Variants in NRF1 observed in about 807,000 individuals in gnomAD.
NRF1 encodes nuclear respiratory factor 1.
A neutral mutation model predicts 58.5 loss-of-function variants in NRF1; 5 were observed. The observed-to-expected ratio is 0.09, with a 90% CI of 0.04 to 0.18. NRF1 has a LOEUF of 0.18. NRF1 is among the 10% of genes least tolerant of loss of function. The probability of loss-of-function intolerance (pLI) is 1.00; values close to 1 mark genes in which losing one functional copy is unlikely to be tolerated. For missense variants in NRF1, 288 were observed against 657.7 expected (o/e 0.44, Z 6.15); for synonymous variants, 224 against 246.7 (o/e 0.91, Z 0.86).
chr7:129,691,555 G>C (rs569683192), intron 5 of NRF1, among the ~76,000 whole-genome samples: 1 of 151,422 alleles, frequency 6.6e-6, no homozygotes, highest in Admixed American at 6.6e-5. Context: ...GGGTTTTGCT[G>C]TGTTAGCCAG....
At chr7:129,698,682 C>A (rs1424188967) in intron 5 of NRF1, among the ~76,000 whole-genome samples, 1 of 152,120 alleles carries the variant, frequency 6.6e-6, no homozygotes, top group Non-Finnish European at 1.5e-5. Flanking sequence ...CAGCAGTCAC[C>A]TGAGAAGTGG....
intron 10 of NRF1, among the ~76,000 whole-genome samples, chr7:129,742,018 G>C (rs1030035504): frequency 6.6e-6 from 1 of 152,192 alleles, no homozygotes; most frequent in South Asian, 2.1e-4. Flanking sequence ...TCAGTGAAGT[G>C]AATGTCTAAG....
intron 1 of NRF1, among the ~76,000 whole-genome samples, chr7:129,631,509 C>T (rs575518096): frequency 1.1e-3 from 164 of 152,270 alleles, no homozygotes; most frequent in African/African-American, 3.7e-3. Flanking sequence ...TCAATCAGTT[C>T]TCCCACCTTG....
chr7:129,717,126 T>G, intron 8 of NRF1, 93 bp from the exon 9 acceptor site: 1 of 1,295,498 alleles, frequency 7.7e-7, no homozygotes, highest in Non-Finnish European at 1.1e-6. Flanking sequence ...AGTATGTGTA[T>G]TTAGCCAAAA....
At chr7:129,693,884 A>G (rs1802626766) in intron 5 of NRF1, among the ~76,000 whole-genome samples, 1 of 152,126 alleles carries the variant, frequency 6.6e-6, no homozygotes, top group Non-Finnish European at 1.5e-5. Context: ...TCTTTGTCAC[A>G]TTTGGTGTGT....
rs541408793 is a variant in NRF1 at position 129,637,869 on chromosome 7, T to A, written c.-6-19477T>A. Among the ~76,000 whole-genome samples the A allele has an allele frequency of 4.4e-3, 668 of 150,980 alleles. 3 individuals carry two copies. Among genetic ancestry groups the A allele is most frequent in the African/African-American group, 0.014 (577 of 41,248 alleles). ...TATGAGATTTTTTTGTGATTTTATT[T>A]TTTGTTTTTTTTTTTCTAAGCTCAT... On this transcript the variant is annotated intron_variant, in intron 1 of 10. Transcript: ENST00000393232.
intron 1 of NRF1, among the ~76,000 whole-genome samples, chr7:129,639,489 A>G (rs1801241073): frequency 6.6e-6 from 1 of 151,962 alleles, no homozygotes; most frequent in African/African-American, 2.4e-5. Context: ...AAACATAGAA[A>G]TGGTGTGCCC....
chr7:129,748,455 A>G (rs1198812637), intron 10 of NRF1, among the ~76,000 whole-genome samples: 1 of 152,112 alleles, frequency 6.6e-6, no homozygotes, highest in Non-Finnish European at 1.5e-5. Flanking sequence ...AGGCAACCCC[A>G]TGAACCATGT....
At chr7:129,708,776 T>C (rs191180936) in intron 5 of NRF1, among the ~76,000 whole-genome samples, 2 of 152,306 alleles carry the variant, frequency 1.3e-5, no homozygotes, top group East Asian at 3.9e-4. Flanking sequence ...AAATAAGCTA[T>C]AGTACCAGTA....
At chr7:129,663,907 C>T (rs1271250318) in intron 2 of NRF1, among the ~76,000 whole-genome samples, 1 of 152,180 alleles carries the variant, frequency 6.6e-6, no homozygotes, top group Non-Finnish European at 1.5e-5. Flanking sequence ...GGCAGATCAC[C>T]CGAGGCCAGG....
chr7:129,740,581 C>T (rs7777812), intron 10 of NRF1, among the ~76,000 whole-genome samples: 27,324 of 152,184 alleles, frequency 0.18, 2,716 homozygotes, highest in East Asian at 0.47. Context: ...CAGGCATACC[C>T]CCCGTAGCTG....
rs759301909 is a variant in NRF1, at chr7:129,727,235, C to A, written c.1224-6C>A. ...ATCATCCTCTCTCCTGTTCCTGTGC[C>A]CGCAGCGAAGCTGCCGCCCATGCTG... On this transcript the variant is annotated splice_region_variant and splice_polypyrimidine_tract_variant and intron_variant, in intron 9 of 10. Coordinates refer to ENST00000393232, the MANE Select transcript of NRF1 (RefSeq NM_005011.5). The A allele has an allele frequency of 6.3e-7, 1 of 1,588,158 alleles. No homozygotes were observed. The highest frequency in any genetic ancestry group is 8.5e-7 in the Non-Finnish European group (1 of 1,172,908).
intron 2 of NRF1, among the ~76,000 whole-genome samples, chr7:129,659,518 T>C (rs1334065214): frequency 6.6e-6 from 1 of 152,214 alleles, no homozygotes; most frequent in Non-Finnish European, 1.5e-5. Flanking sequence ...AGTTCTATTT[T>C]TGCTTGTCTG....
chr7:129,677,416 CA>C (rs1420195467), intron 3 of NRF1, among the ~76,000 whole-genome samples: 1 of 152,144 alleles, frequency 6.6e-6, no homozygotes, highest in South Asian at 2.1e-4. Context: ...TGTCCCAAAG[CA>C]AAACCTTCAG....
At chr7:129,645,101 C>T (rs1258177794) in intron 1 of NRF1, among the ~76,000 whole-genome samples, 1 of 151,732 alleles carries the variant, frequency 6.6e-6, no homozygotes, top group African/African-American at 2.4e-5. Context: ...TTGCTGTCCT[C>T]ATCTTTGTAC....
intron 2 of NRF1, among the ~76,000 whole-genome samples, chr7:129,658,175 G>A (rs60362426): frequency 0.2 from 30,646 of 151,692 alleles, 3,352 homozygotes; most frequent in East Asian, 0.47. Context: ...CTTTCTTGGC[G>A]TTTTCTTTTG....
chr7:129,669,975 T>G (rs923338796), intron 2 of NRF1, among the ~76,000 whole-genome samples: 1 of 152,126 alleles, frequency 6.6e-6, no homozygotes, highest in African/African-American at 2.4e-5. Flanking sequence ...CTAAAGCAAA[T>G]GTGATCTGTA....
chr7:129,723,047 G>C (rs1033503866), intron 9 of NRF1, among the ~76,000 whole-genome samples: 1 of 152,102 alleles, frequency 6.6e-6, no homozygotes, highest in African/African-American at 2.4e-5. Context: ...AGGTCACAGC[G>C]TAAATATTTG....
chr7:129,746,036 C>G (rs766033523), intron 10 of NRF1, among the ~76,000 whole-genome samples: 3 of 152,186 alleles, frequency 2.0e-5, no homozygotes, highest in Non-Finnish European at 4.4e-5. Context: ...GAGAAGAAAA[C>G]TCTTTGAGTG....
Sources: gnomAD v4.1 joint callset for allele counts (sites outside exome capture counted in the v4.1 genomes callset) on GRCh38, gnomAD v4.1.1 for gene constraint, MANE v1.5 for transcripts, NCBI Gene and HGNC (gene_info 2026-07-23, HGNC 2026-07-21) for gene names.